Variants in OPCML observed in about 807,000 individuals in gnomAD.
The protein encoded by OPCML is opioid-binding protein/cell adhesion molecule.
Under a neutral mutation model 37.8 loss-of-function variants are expected in OPCML, and 13 were observed. The ratio of observed to expected loss-of-function variants is 0.34; its 90% CI spans 0.22 to 0.55. The LOEUF (loss-of-function observed/expected upper bound fraction) is 0.55, where lower values mean the gene tolerates loss of function less well. OPCML is among the 20% of genes least tolerant of loss of function. The probability of loss-of-function intolerance (pLI) is 0.91; values close to 1 mark genes in which losing one functional copy is unlikely to be tolerated. For synonymous variants in OPCML, 176 were observed against 168.8 expected (o/e 1.04, Z -0.33); for missense variants, 341 against 435.6 (o/e 0.78, Z 1.93).
intron 3 of OPCML, among the ~76,000 whole-genome samples, chr11:132,630,518 G>A (rs1940034552): frequency 6.6e-6 from 1 of 151,412 alleles, no homozygotes; most frequent in Non-Finnish European, 1.5e-5. Context: ...GAAAGAATAG[G>A]ACACAATATG....
intron 1 of OPCML, among the ~76,000 whole-genome samples, chr11:133,149,551 G>A (rs1949946832): frequency 6.6e-6 from 1 of 152,182 alleles, no homozygotes; most frequent in Admixed American, 6.5e-5. Context: ...TGATAAGTCG[G>A]TTGCCACCTC....
chr11:132,753,846 T>G (rs568207134), intron 2 of OPCML, among the ~76,000 whole-genome samples: 62 of 152,338 alleles, frequency 4.1e-4, no homozygotes, highest in African/African-American at 1.4e-3. Flanking sequence ...AAAATGATCC[T>G]TTAGCTCCCA....
chr11:132,770,595 A>C (rs562205700), intron 2 of OPCML, among the ~76,000 whole-genome samples: 1 of 152,278 alleles, frequency 6.6e-6, no homozygotes, highest in East Asian at 1.9e-4. Flanking sequence ...GCTAAGTCAC[A>C]GGTGTTTAAG....
At chr11:132,721,644 G>C (rs1944673083) in intron 2 of OPCML, among the ~76,000 whole-genome samples, 1 of 152,198 alleles carries the variant, frequency 6.6e-6, no homozygotes, top group Non-Finnish European at 1.5e-5. Flanking sequence ...AAATGCACGA[G>C]GGAAGTATGA....
intron 1 of OPCML, among the ~76,000 whole-genome samples, chr11:133,409,160 G>C (rs1040455107): frequency 6.6e-6 from 1 of 152,144 alleles, no homozygotes; most frequent in Non-Finnish European, 1.5e-5. Flanking sequence ...ACCAACCAAC[G>C]CGTCATGATA....
At chr11:133,055,055 C>T (rs1253942589) in intron 1 of OPCML, among the ~76,000 whole-genome samples, 7 of 151,432 alleles carry the variant, frequency 4.6e-5, no homozygotes, top group African/African-American at 1.5e-4. Context: ...TACAATGCTG[C>T]CTCCATGATA....
At chr11:133,446,654 T>C (rs1362718631) in intron 1 of OPCML, among the ~76,000 whole-genome samples, 2 of 152,194 alleles carry the variant, frequency 1.3e-5, no homozygotes, top group African/African-American at 4.8e-5. Context: ...TTTAGAACCC[T>C]TTCCAACATC....
At chr11:133,455,398 C>G (rs1038983355) in intron 1 of OPCML, among the ~76,000 whole-genome samples, 1 of 152,092 alleles carries the variant, frequency 6.6e-6, no homozygotes, top group African/African-American at 2.4e-5. Flanking sequence ...ATACTAGAGG[C>G]AGTTTGGGGG....
At chr11:132,471,652 G>C (rs2509233) in intron 4 of OPCML, among the ~76,000 whole-genome samples, 1 of 152,106 alleles carries the variant, frequency 6.6e-6, no homozygotes, top group East Asian at 1.9e-4. Flanking sequence ...AAGCTGCAAC[G>C]CTGTAAATGA....
intron 4 of OPCML, among the ~76,000 whole-genome samples, chr11:132,484,302 A>G (rs2096191841): frequency 6.6e-6 from 1 of 152,224 alleles, no homozygotes; most frequent in South Asian, 2.1e-4. Flanking sequence ...ATGCAGCCAA[A>G]AAACACATGA....
chr11:133,244,995 G>C (rs1428166800), intron 1 of OPCML, among the ~76,000 whole-genome samples: 1 of 152,218 alleles, frequency 6.6e-6, no homozygotes. Flanking sequence ...CAGGAAATCT[G>C]TGCTGTGGAG....
chr11:132,715,394 T>C (rs1053570327), intron 2 of OPCML, among the ~76,000 whole-genome samples: 1 of 152,186 alleles, frequency 6.6e-6, no homozygotes, highest in Non-Finnish European at 1.5e-5. Context: ...ACTCTGAAAC[T>C]GGGGAAATTT....
At chr11:132,887,743 A>C (rs1480961336) in intron 2 of OPCML, among the ~76,000 whole-genome samples, 1 of 152,250 alleles carries the variant, frequency 6.6e-6, no homozygotes, top group East Asian at 1.9e-4. Flanking sequence ...GAAATGGTTT[A>C]AGAGAGTGTC....
chr11:133,480,857 T>C (rs1308456369), intron 1 of OPCML, among the ~76,000 whole-genome samples: 2 of 152,238 alleles, frequency 1.3e-5, no homozygotes, highest in Non-Finnish European at 2.9e-5. Context: ...GTTGATACAA[T>C]ACTGAATGGG....
At chr11:132,850,142 C>T (rs1941738551) in intron 2 of OPCML, among the ~76,000 whole-genome samples, 1 of 152,130 alleles carries the variant, frequency 6.6e-6, no homozygotes, top group Non-Finnish European at 1.5e-5. Flanking sequence ...GTGAAGTAAT[C>T]CTTCAAAGAG....
At chr11:133,500,280 C>A (rs974947348) in intron 1 of OPCML, among the ~76,000 whole-genome samples, 1 of 152,222 alleles carries the variant, frequency 6.6e-6, no homozygotes, top group Non-Finnish European at 1.5e-5. Context: ...TGAGCAGGAA[C>A]CAGGAGCCGG....
At position 133,118,222 on chromosome 11, in the gene OPCML, T is replaced by C. The variant is rs181364802; in HGVS notation, c.62-175212A>G. ...TAGGAGGCCCTGTTCTTTCTGGGACTCTCTACTGACATAGCTGGGATATAT... is the reference window on the plus strand; with the variant it reads ...TAGGAGGCCCTGTTCTTTCTGGGACCCTCTACTGACATAGCTGGGATATAT... On this transcript the variant is annotated intron_variant, in intron 1 of 7. Coordinates refer to ENST00000524381, the MANE Select transcript of OPCML (RefSeq NM_001012393.5). 2.4e-5 allele frequency: 24 copies of C among 985,308 alleles called. No homozygotes were observed. In the East Asian group the frequency reaches 1.8e-3, roughly 75 times the overall value. The allele number at this position is 985,308 out of a possible 1,614,324, so 61.0% of individuals were successfully genotyped here.
At chr11:133,130,121 G>A (rs1333764665) in intron 1 of OPCML, among the ~76,000 whole-genome samples, 1 of 151,794 alleles carries the variant, frequency 6.6e-6, no homozygotes, top group African/African-American at 2.4e-5. Context: ...AATCATCTAA[G>A]CCATACTTCC....
At chr11:133,261,922 C>A (rs998018470) in intron 1 of OPCML, among the ~76,000 whole-genome samples, 1 of 152,126 alleles carries the variant, frequency 6.6e-6, no homozygotes, top group Non-Finnish European at 1.5e-5. Context: ...CAGCCTCTGC[C>A]TGCCTTTGAG....
Sources: gnomAD v4.1 joint callset for allele counts (sites outside exome capture counted in the v4.1 genomes callset) on GRCh38, gnomAD v4.1.1 for gene constraint, MANE v1.5 for transcripts, NCBI Gene and HGNC (gene_info 2026-07-23, HGNC 2026-07-21) for gene names.